The following OPHN1 variants were observed in gnomAD, a reference collection of about 807,000 sequenced individuals.
OPHN1 encodes the protein oligophrenin-1.
Under a neutral mutation model 60.7 loss-of-function variants are expected in OPHN1, and 11 were observed. The ratio of observed to expected loss-of-function variants is 0.18; its 90% CI spans 0.11 to 0.30. OPHN1 has a LOEUF of 0.30. OPHN1 is among the 10% of genes least tolerant of loss of function. OPHN1 has a pLI of 1.00. For missense variants in OPHN1, 449 were observed against 611.0 expected (o/e 0.73, Z 2.80); for synonymous variants, 226 against 222.6 (o/e 1.02, Z -0.14).
At chrX:68,350,478 CCCTCCCTT>C (rs1372798376) in intron 2 of OPHN1, among the ~76,000 whole-genome samples, 1 of 69,840 alleles carries the variant, frequency 1.4e-5, no homozygotes, top group Non-Finnish European at 2.5e-5. Context: ...CTTCCTCCCT[CCCTCCCTT>C]CCTCCCTTCC....
At position 68,312,987 on chromosome X, in the gene OPHN1, C is replaced by T. The variant is rs754849526; in HGVS notation, c.155-13891G>A. Among the ~76,000 whole-genome samples, 7 of 110,925 alleles carry T rather than the reference C, an allele frequency of 6.3e-5. No homozygotes were observed. In the East Asian group the frequency reaches 1.4e-3, roughly 22 times the overall value. On this transcript the variant is annotated intron_variant, in intron 2 of 24. Transcript: ENST00000355520. ...GGTGTGGTGGTACATGCCTGTAGTC[C>T]CAGCTACTTGGGAGGCTAAGGCAGG...
At chrX:68,244,294 G>T (rs903324073) in intron 5 of OPHN1, among the ~76,000 whole-genome samples, 3 of 112,154 alleles carry the variant, frequency 2.7e-5, no homozygotes, top group Non-Finnish European at 5.6e-5. Context: ...TTCTAAAGTT[G>T]CCCTAGACCA....
At chrX:68,073,453 T>G (rs2076942480) in intron 19 of OPHN1, 154 bp from the exon 20 acceptor site, 3 of 474,237 alleles carry the variant, frequency 6.3e-6, no homozygotes, top group Non-Finnish European at 1.0e-5. Context: ...TCTTAATCAC[T>G]CTAGCTACAG....
At position 68,379,736 on chromosome X, in the gene OPHN1, T is replaced by C. The variant is rs183938181; in HGVS notation, c.154+53131A>G. Among the ~76,000 whole-genome samples the C allele has an allele frequency of 7.2e-3, 792 of 110,045 alleles. 4 individuals are homozygous for C. The highest frequency in any genetic ancestry group is 9.3e-3 in the Middle Eastern group (2 of 214). ...TGTTTATATGCTGGATTACATTCAT[T>C]GATTTGCGTATATTGAACCAGCCTT... On this transcript the variant is annotated intron_variant, in intron 2 of 24. Transcript: ENST00000355520.
chrX:68,235,136 A>G (rs541685756), intron 5 of OPHN1, among the ~76,000 whole-genome samples: 95 of 112,155 alleles, frequency 8.5e-4, no homozygotes, highest in Non-Finnish European at 1.3e-3. Flanking sequence ...AGAGAAAAAA[A>G]ATCCTGGAAA....
intron 3 of OPHN1, 145 bp downstream of exon 3, chrX:68,298,856 T>C: frequency 1.0e-5 from 4 of 386,505 alleles, no homozygotes; most frequent in Non-Finnish European, 2.0e-5. Flanking sequence ...AGTTTCCTGA[T>C]CCTTCCTAAT....
At chrX:68,222,283 G>A (rs1196533563) in intron 6 of OPHN1, among the ~76,000 whole-genome samples, 88 of 108,191 alleles carry the variant, frequency 8.1e-4, no homozygotes, top group African/African-American at 2.8e-3. Flanking sequence ...GAAACAACAG[G>A]TGCTGGAGGG....
chrX:68,045,125 C>T lies in OPHN1; in HGVS notation c.*2047G>A, dbSNP rs145572392. The T allele has an allele frequency of 2.7e-5, 3 of 111,238 alleles. No individual in the cohort carries two copies. The highest frequency in any genetic ancestry group is 9.8e-5 in the African/African-American group (3 of 30,609). The allele number at this position is 111,238 out of a possible 1,213,427, so 9.2% of individuals were successfully genotyped here. A position where few individuals can be genotyped will look rare whatever the true frequency, so the allele number is the denominator to read the frequency against. On this transcript the variant is annotated 3_prime_UTR_variant, in exon 25 of 25. Transcript: ENST00000355520. The stretch of plus-strand genomic sequence containing the variant: ...CCTAGGTGAGGTCAGTAAGGCCTCA[C>T]AGAGACTACTATTGGGGGCAAGCAG...
At chrX:68,329,106 C>T (rs2078282416) in intron 2 of OPHN1, among the ~76,000 whole-genome samples, 1 of 111,599 alleles carries the variant, frequency 9.0e-6, no homozygotes, top group Non-Finnish European at 1.9e-5. Context: ...TCAGTAGAGA[C>T]GGAGTTTCGC....
intron 19 of OPHN1, among the ~76,000 whole-genome samples, chrX:68,075,463 C>T (rs1464639960): frequency 1.8e-5 from 2 of 111,807 alleles, no homozygotes; most frequent in Non-Finnish European, 3.8e-5. Flanking sequence ...TACCAGTAAG[C>T]TTGTATGTAG....
intron 4 of OPHN1, among the ~76,000 whole-genome samples, chrX:68,277,662 A>T (rs1569266974): frequency 9.0e-6 from 1 of 110,925 alleles, no homozygotes; most frequent in Non-Finnish European, 1.9e-5. Flanking sequence ...GAGGTGGCAC[A>T]TGCCTGTAAT....
intron 19 of OPHN1, among the ~76,000 whole-genome samples, chrX:68,076,248 G>A (rs2147374424): frequency 9.0e-6 from 1 of 110,917 alleles, no homozygotes; most frequent in East Asian, 2.8e-4. Context: ...ATAGGGAAAT[G>A]CATGCTAAAA....
rs192184464 is a variant in OPHN1, at chrX:68,261,320, T to C, written c.384+13418A>G. On this transcript the variant is annotated intron_variant, in intron 5 of 24. Transcript: ENST00000355520. ...AAAAATATGAATCAAAGGGTACAAA[T>C]ACCCTCCCTGTCATAAGGCTAGAGG... 1.2e-4 allele frequency among the ~76,000 whole-genome samples: 13 copies of C among 111,521 alleles called. No homozygotes were observed. In the East Asian group the frequency reaches 2.8e-3, roughly 24 times the overall value.
chrX:68,426,552 T>TTATATATATA (rs765336463), intron 2 of OPHN1, among the ~76,000 whole-genome samples: 5 of 16,180 alleles, frequency 3.1e-4, no homozygotes, highest in Admixed American at 6.9e-4. Flanking sequence ...GACATCTGTT[T>TTATATATATA]TATATATATA....
intron 19 of OPHN1, among the ~76,000 whole-genome samples, chrX:68,096,345 G>A (rs1345621044): frequency 9.0e-6 from 1 of 111,575 alleles, no homozygotes; most frequent in African/African-American, 3.3e-5. Flanking sequence ...ATCAAACTTA[G>A]TATAAAAAAT....
intron 5 of OPHN1, among the ~76,000 whole-genome samples, chrX:68,254,680 G>C (rs2077852755): frequency 9.0e-6 from 1 of 111,202 alleles, no homozygotes; most frequent in Non-Finnish European, 1.9e-5. Flanking sequence ...ACTTTGGTAA[G>C]ACATTTTTCT....
chrX:68,432,752 T>G, intron 2 of OPHN1, 115 bp downstream of exon 2: 2 of 854,427 alleles, frequency 2.3e-6, no homozygotes, highest in Non-Finnish European at 3.4e-6. Context: ...CCCATTTGCC[T>G]CAGAGATCTG....
chrX:68,389,177 G>A (rs1195476212), intron 2 of OPHN1, among the ~76,000 whole-genome samples: 9 of 105,159 alleles, frequency 8.6e-5, no homozygotes, highest in African/African-American at 2.4e-4. Flanking sequence ...GGCCAGTCTC[G>A]AACTCCTGAG....
intron 2 of OPHN1, among the ~76,000 whole-genome samples, chrX:68,374,855 G>T (rs2078548217): frequency 8.9e-6 from 1 of 112,099 alleles, no homozygotes; most frequent in African/African-American, 3.2e-5. Flanking sequence ...TGGCAATTAA[G>T]CACCTGAAAA....
Sources: gnomAD v4.1 joint callset for allele counts (sites outside exome capture counted in the v4.1 genomes callset) on GRCh38, gnomAD v4.1.1 for gene constraint, MANE v1.5 for transcripts, NCBI Gene and HGNC (gene_info 2026-07-23, HGNC 2026-07-21) for gene names.